Variants in CLIP3 observed in about 807,000 individuals in gnomAD.
CLIP3 encodes CAP-Gly domain containing linker protein 3.
A neutral mutation model predicts 59.4 loss-of-function variants in CLIP3; 15 were observed. The ratio of observed to expected loss-of-function variants is 0.25; its 90% CI spans 0.17 to 0.39. CLIP3 has a LOEUF of 0.39. CLIP3 is among the 10% of genes least tolerant of loss of function. The pLI is 1.00. For synonymous variants in CLIP3, 300 were observed against 321.6 expected, an observed-to-expected ratio of 0.93 and a Z score of 0.72; for missense variants, 495 against 765.7, an observed-to-expected ratio of 0.65 and a Z score of 4.17.
Position 36,017,843 on chromosome 19 carries a change from C to T in CLIP3, c.1327+5G>A. The T allele has an allele frequency of 1.9e-6, 3 of 1,614,184 alleles. No individual in the cohort carries two copies. Among genetic ancestry groups the T allele is most frequent in the Non-Finnish European group, 2.5e-6 (3 of 1,180,038 alleles). On this transcript the variant is annotated splice_donor_5th_base_variant and intron_variant, in intron 10 of 13. Coordinates refer to ENST00000360535, the MANE Select transcript of CLIP3 (RefSeq NM_015526.3). ...TGCCTCCCGGCCCAGAGTCCCCATC[C>T]TCACCTGGGGCAAAGTCTGTCTTCC...
intron 8 of CLIP3, 65 bp from the exon 9 acceptor site, chr19:36,019,091 C>A: frequency 6.3e-7 from 1 of 1,599,422 alleles, no homozygotes; most frequent in Non-Finnish European, 8.5e-7. Context: ...ATCCTCCATC[C>A]CCTATTTCCC....
chr19:36,019,400 C>T, intron 7 of CLIP3, 94 bp from the exon 8 acceptor site: 1 of 1,472,254 alleles, frequency 6.8e-7, no homozygotes, highest in Non-Finnish European at 9.2e-7. Flanking sequence ...TTGCATGAGG[C>T]CGCCCTGGGC....
At chr19:36,030,514 C>T (rs988368277) in intron 2 of CLIP3, among the ~76,000 whole-genome samples, 8 of 152,150 alleles carry the variant, frequency 5.3e-5, no homozygotes, top group Admixed American at 2.0e-4. Flanking sequence ...GATTCCCAGC[C>T]TGCATATCTT....
chr19:36,030,104 G>A (rs1969217646), intron 2 of CLIP3, among the ~76,000 whole-genome samples: 1 of 152,040 alleles, frequency 6.6e-6, no homozygotes, highest in Non-Finnish European at 1.5e-5. Context: ...CACCCAAGCT[G>A]GAGTGCAGTG....
In CLIP3 at chr19:36,024,465, G is replaced by A; in HGVS notation, c.849C>T (p.Val283=). Residue 283 remains valine (V), a synonymous_variant, in exon 7 of 14, where the codon GTC becomes GTT. Coordinates refer to ENST00000360535, the MANE Select transcript of CLIP3 (RefSeq NM_015526.3). ...GTGCGCTAAGCATGAGATTGCCTGG[G>A]ACGTTGTCATAGTTGGGTAGCGTGA... is the stretch of plus-strand genomic sequence containing the variant. ...PKVTLPNYDN[V]PGNLMLSALG... 6.2e-7 allele frequency: 1 copy of A among 1,614,248 alleles called. No homozygotes were observed. Among genetic ancestry groups the A allele is most frequent in the South Asian group, 1.1e-5 (1 of 91,092 alleles).
intron 2 of CLIP3, among the ~76,000 whole-genome samples, chr19:36,029,945 C>A (rs1969214051): frequency 6.6e-6 from 1 of 152,174 alleles, no homozygotes; most frequent in Non-Finnish European, 1.5e-5. Flanking sequence ...TACCCTCCGA[C>A]CTCCCACTGA....
chr19:36,017,792 G>A lies in CLIP3; in HGVS notation c.1328-14C>T, dbSNP rs375906609. 2.9e-4 allele frequency: 461 copies of A among 1,614,010 alleles called. 1 individual carries two copies. The highest frequency in any genetic ancestry group is 3.4e-4 in the Non-Finnish European group (403 of 1,180,042). On this transcript the variant is annotated splice_polypyrimidine_tract_variant and intron_variant, in intron 10 of 13. Transcript: ENST00000360535. ...CATACCAGTAACCTGCAGCACGAGG[G>A]TGTCAGGATTTCTCAAGGCCCTGCC...
rs1969105680 is a variant in CLIP3, at chr19:36,026,324, C to G, written c.563-59G>C. 7 of 1,435,806 alleles carry G rather than the reference C, an allele frequency of 4.9e-6. No homozygotes were observed. Among genetic ancestry groups the G allele is most frequent in the Non-Finnish European group, 6.8e-6 (7 of 1,023,302 alleles). The allele number at this position is 1,435,806 out of a possible 1,614,324, so 88.9% of individuals were successfully genotyped here. A position where few individuals can be genotyped will look rare whatever the true frequency, so the allele number is the denominator to read the frequency against. Reference sequence around the variant, plus strand: ...GCGCCTGTGGGACCCCAGCCCTCCTCCCACCTCGGGGCTCATCTCTTAACT... The same window carrying G: ...GCGCCTGTGGGACCCCAGCCCTCCTGCCACCTCGGGGCTCATCTCTTAACT... On this transcript the variant is annotated intron_variant, in intron 5 of 13. Transcript: ENST00000360535. This position sits in a 1 kb window ranked among gnomAD's most constrained non-coding sequence, Gnocchi z 6.3.
chr19:36,017,579 G>A (rs1968832795), intron 11 of CLIP3, 76 bp downstream of exon 11: 3 of 1,605,592 alleles, frequency 1.9e-6, no homozygotes, highest in Non-Finnish European at 2.6e-6. Context: ...CTGCTGGTCT[G>A]GGAGGAGGAG....
In CLIP3 at chr19:36,018,882, G is replaced by A. The variant is rs745581251; in HGVS notation, c.1183+16C>T. On this transcript the variant is annotated intron_variant, in intron 9 of 13. Transcript: ENST00000360535. ...CCCAAACTGGCTCTTCCCACCACAG[G>A]GATCCCCTCTCTGACCTTTGTGTTC... 6.2e-7 allele frequency: 1 copy of A among 1,610,498 alleles called. No individual in the cohort carries two copies. The highest frequency in any genetic ancestry group is 8.5e-7 in the Non-Finnish European group (1 of 1,178,476).
Position 36,024,629 on chromosome 19 carries a change from G to C in CLIP3, c.685C>G (p.Arg229Gly). ...ACCTCCGCCGGCACCTGTCCTTTTCGATTCTGGGGGCCAATGGGAAAAGAA... is the reference window on the plus strand; with the variant it reads ...ACCTCCGCCGGCACCTGTCCTTTTCCATTCTGGGGGCCAATGGGAAAAGAA... ...EHGANPALRN[R>G]KGQVPAEVVP... Residue 229 changes from arginine to glycine, a missense_variant, in exon 7 of 14, where the codon CGA becomes GGA. Around this residue, in one of 5 missense-constraint regions of CLIP3, gnomAD observed 194 missense variants for 327.8 expected, o/e 0.59. Coordinates refer to ENST00000360535, the MANE Select transcript of CLIP3 (RefSeq NM_015526.3). 6.2e-7 allele frequency: 1 copy of C among 1,613,800 alleles called. No individual in the cohort carries two copies. The highest frequency in any genetic ancestry group is 8.5e-7 in the Non-Finnish European group (1 of 1,179,832).
chr19:36,031,119 G>A (rs1028115049), intron 2 of CLIP3, among the ~76,000 whole-genome samples: 5 of 139,324 alleles, frequency 3.6e-5, no homozygotes, highest in African/African-American at 5.4e-5. Flanking sequence ...AGGTTCAAGC[G>A]ATTCTACTGC....
Position 36,026,568 on chromosome 19 carries a change from C to T in CLIP3, c.562+18G>A, listed in dbSNP as rs545682125. 12 of 1,612,606 alleles carry T rather than the reference C, an allele frequency of 7.4e-6. No homozygotes were observed. In the Admixed American group the frequency reaches 1.2e-4, roughly 16 times the overall value. On this transcript the variant is annotated intron_variant, in intron 5 of 13. Coordinates refer to ENST00000360535, the MANE Select transcript of CLIP3 (RefSeq NM_015526.3). This position sits in a 1 kb window ranked among gnomAD's most constrained non-coding sequence, Gnocchi z 6.3. The stretch of plus-strand genomic sequence containing the variant: ...ACCCAGGTCCTTGCCCCCTCCCAGC[C>T]AGGGCTCTCCTCCTCACCTCGCGGC...
At chr19:36,020,224 C>G (rs1018434146) in intron 7 of CLIP3, among the ~76,000 whole-genome samples, 3 of 151,792 alleles carry the variant, frequency 2.0e-5, no homozygotes, top group Non-Finnish European at 4.4e-5. Flanking sequence ...TGCACTCCAG[C>G]CTGGGCAACA....
chr19:36,015,844 G>A lies in CLIP3; in HGVS notation c.*314C>T. 1 of 453,568 alleles carries A rather than the reference G, an allele frequency of 2.2e-6. No individual in the cohort carries two copies. Among genetic ancestry groups the A allele is most frequent in the Non-Finnish European group, 4.1e-6 (1 of 244,948 alleles). The allele number at this position is 453,568 out of a possible 1,614,324, so 28.1% of individuals were successfully genotyped here. On this transcript the variant is annotated 3_prime_UTR_variant, in exon 14 of 14. Coordinates refer to ENST00000360535, the MANE Select transcript of CLIP3 (RefSeq NM_015526.3). ...AGAATGTTCTGTTGTAATGCATTAT[G>A]TGGAGAGGGTCACCATCATTTGGGG...
intron 6 of CLIP3, among the ~76,000 whole-genome samples, chr19:36,025,529 T>C (rs1036090992): frequency 2.0e-5 from 3 of 149,176 alleles, no homozygotes; most frequent in Non-Finnish European, 4.4e-5. Context: ...AGGCAGAGGT[T>C]GCAGTGAGCC....
At chr19:36,023,010 G>A (rs1179945839) in intron 7 of CLIP3, among the ~76,000 whole-genome samples, 1 of 152,194 alleles carries the variant, frequency 6.6e-6, no homozygotes, top group Non-Finnish European at 1.5e-5. Flanking sequence ...AGCTGAGATC[G>A]CGCCACCGCA....
chr19:36,017,764 T>C lies in CLIP3; in HGVS notation c.1342A>G (p.Ile448Val), dbSNP rs1436689508. 3 of 1,614,072 alleles carry C rather than the reference T, an allele frequency of 1.9e-6. No individual in the cohort carries two copies. The highest frequency in any genetic ancestry group is 2.2e-5 in the South Asian group (2 of 91,070). Residue 448 changes from isoleucine (I) to valine (V), a missense_variant, in exon 11 of 14, where the codon ATT becomes GTT. Transcript: ENST00000360535. ...TTGCCTGTGGGCTGGTCCAGCTCAA[T>C]GCCATACCAGTAACCTGCAGCACGA... Reference protein sequence around the residue: ...TDFAPGYWYGIELDQPTGKHD... With the variant: ...TDFAPGYWYGVELDQPTGKHD...
At chr19:36,022,256 G>T (rs368612136) in intron 7 of CLIP3, among the ~76,000 whole-genome samples, 3 of 152,270 alleles carry the variant, frequency 2.0e-5, no homozygotes, top group East Asian at 3.9e-4. Context: ...TTTAGTATGC[G>T]CTGGACTCTG....
Sources: allele counts gnomAD v4.1 joint callset (sites outside exome capture counted in the v4.1 genomes callset), GRCh38; gene constraint gnomAD v4.1.1; regional missense constraint gnomAD v4.1.1; non-coding constraint Gnocchi (gnomAD v3.1); transcripts MANE v1.5; gene names NCBI Gene and HGNC (gene_info 2026-07-23, HGNC 2026-07-21).